The following BCAS1 variants were observed in gnomAD, a reference collection of about 807,000 sequenced individuals.
The protein encoded by BCAS1 is brain enriched myelin associated protein 1, also known as breast carcinoma-amplified sequence 1.
Under a neutral mutation model 65.4 loss-of-function variants are expected in BCAS1, and 46 were observed. The ratio of observed to expected loss-of-function variants is 0.70; its 90% CI spans 0.55 to 0.90. BCAS1 has a LOEUF of 0.90. BCAS1 is among the 40% of genes least tolerant of loss of function. The probability of loss-of-function intolerance (pLI) is 0.00; values close to 1 mark genes in which losing one functional copy is unlikely to be tolerated. For missense variants in BCAS1, 793 were observed against 771.2 expected, an observed-to-expected ratio of 1.03 and a Z score of -0.33; for synonymous variants, 298 against 293.5, an observed-to-expected ratio of 1.02 and a Z score of -0.16.
chr20:53,946,252 C>T (rs2089311154), intron 12 of BCAS1, among the ~76,000 whole-genome samples: 1 of 151,924 alleles, frequency 6.6e-6, no homozygotes, highest in Non-Finnish European at 1.5e-5. Flanking sequence ...CTTTCTTGTG[C>T]CTTTTGTGGT....
At chr20:54,029,123 C>T in intron 3 of BCAS1, 151 bp from the exon 4 acceptor site, 1 of 1,434,906 alleles carries the variant, frequency 7.0e-7, no homozygotes, top group Non-Finnish European at 9.1e-7. Context: ...AGTTAGCTCT[C>T]TACATCTCCT....
intron 4 of BCAS1, among the ~76,000 whole-genome samples, chr20:54,009,787 A>G (rs1387503023): frequency 6.6e-6 from 1 of 152,188 alleles, no homozygotes; most frequent in African/African-American, 2.4e-5. Context: ...AAAATACCCT[A>G]CTGATCAATA....
At chr20:53,992,795 G>C (rs2090797067) in intron 6 of BCAS1, 149 bp from the exon 7 acceptor site, 1 of 676,432 alleles carries the variant, frequency 1.5e-6, no homozygotes, top group Admixed American at 3.7e-5. Flanking sequence ...CCCTGTAAAT[G>C]TTTATCTTTT....
chr20:54,037,752 T>C (rs369075016), intron 3 of BCAS1, among the ~76,000 whole-genome samples: 3 of 151,348 alleles, frequency 2.0e-5, no homozygotes, highest in African/African-American at 7.2e-5. Flanking sequence ...GATTTAGTAT[T>C]TGAACCCACA....
chr20:54,029,269 A>G (rs1276811519), intron 3 of BCAS1: 1 of 977,402 alleles, frequency 1.0e-6, no homozygotes, highest in Admixed American at 6.2e-5. Context: ...CTGTGTAAGA[A>G]CTCCGTGAGC....
At chr20:54,069,027 C>A (rs1373123474) in intron 1 of BCAS1, among the ~76,000 whole-genome samples, 1 of 152,136 alleles carries the variant, frequency 6.6e-6, no homozygotes, top group Non-Finnish European at 1.5e-5. Flanking sequence ...TTCCAGAACT[C>A]TTTGGAAAAA....
intron 3 of BCAS1, among the ~76,000 whole-genome samples, chr20:54,040,646 G>A (rs552475205): frequency 2.6e-5 from 4 of 151,282 alleles, no homozygotes; most frequent in East Asian, 3.9e-4. Context: ...AGCATGATAC[G>A]TCTTCACACC....
At chr20:53,980,440 A>C (rs1309835724) in intron 8 of BCAS1, among the ~76,000 whole-genome samples, 1 of 152,208 alleles carries the variant, frequency 6.6e-6, no homozygotes, top group Non-Finnish European at 1.5e-5. Flanking sequence ...ACAGAGCTGA[A>C]AAAAATAGTA....
At chr20:53,995,119 T>TG in intron 5 of BCAS1, 63 bp from the exon 6 acceptor site, 1 of 1,420,162 alleles carries the variant, frequency 7.0e-7, no homozygotes, top group Non-Finnish European at 9.9e-7. Context: ...TTTTATTTCA[T>TG]AGATAAATAA....
At chr20:54,053,040 A>G (rs1359964362) in intron 3 of BCAS1, among the ~76,000 whole-genome samples, 1 of 152,224 alleles carries the variant, frequency 6.6e-6, no homozygotes, top group Non-Finnish European at 1.5e-5. Context: ...CAAGCACATA[A>G]GCCTCTCACC....
chr20:53,949,702 G>A (rs1050537848), intron 12 of BCAS1, among the ~76,000 whole-genome samples: 1 of 152,164 alleles, frequency 6.6e-6, no homozygotes, highest in African/African-American at 2.4e-5. Flanking sequence ...GGGGTCTAGG[G>A]GGCCTGAGCT....
At chr20:53,964,910 T>A (rs1215061546) in intron 10 of BCAS1, among the ~76,000 whole-genome samples, 1 of 152,060 alleles carries the variant, frequency 6.6e-6, no homozygotes, top group Non-Finnish European at 1.5e-5. Context: ...TTACTGTTTT[T>A]TTTTTCTGTA....
At chr20:54,066,878 G>A (rs138571142) in intron 1 of BCAS1, among the ~76,000 whole-genome samples, 2,289 of 152,240 alleles carry the variant, frequency 0.015, 28 homozygotes, top group Non-Finnish European at 0.024. Context: ...CTTAACCCTC[G>A]CAAACTCAAG....
chr20:53,987,332 T>G (rs914030805), intron 7 of BCAS1, among the ~76,000 whole-genome samples: 1 of 152,238 alleles, frequency 6.6e-6, no homozygotes, highest in Non-Finnish European at 1.5e-5. Context: ...GAATTTACAA[T>G]AACCTTTGCA....
intron 5 of BCAS1, 41 bp downstream of exon 5, chr20:53,995,851 G>C: frequency 6.5e-7 from 1 of 1,535,824 alleles, no homozygotes. Flanking sequence ...CAAAACTTTT[G>C]AGCAATAGAG....
At chr20:53,972,976 C>T (rs2090221898) in intron 9 of BCAS1, among the ~76,000 whole-genome samples, 1 of 152,146 alleles carries the variant, frequency 6.6e-6, no homozygotes, top group African/African-American at 2.4e-5. Context: ...GCCTGTAATC[C>T]CAGCACTTTG....
Position 54,031,406 on chromosome 20 carries a change from C to T in BCAS1, c.143-2434G>A, listed in dbSNP as rs191729112. Reference sequence around the variant, plus strand: ...AAGAACTTAGAGTTCTTCGGTGATACGTTCCATGCAACTGAAGCTCTGCTC... The same window carrying T: ...AAGAACTTAGAGTTCTTCGGTGATATGTTCCATGCAACTGAAGCTCTGCTC... On this transcript the variant is annotated intron_variant, in intron 3 of 12. Transcript: ENST00000688948. Among the ~76,000 whole-genome samples the T allele has an allele frequency of 9.2e-5, 14 of 151,400 alleles. 2 individuals are homozygous for T. The highest frequency in any genetic ancestry group is 2.1e-4 in the South Asian group (1 of 4,784).
intron 4 of BCAS1, among the ~76,000 whole-genome samples, chr20:53,999,478 C>T (rs1156953281): frequency 6.6e-6 from 1 of 152,202 alleles, no homozygotes; most frequent in African/African-American, 2.4e-5. Context: ...GCATTCCTCA[C>T]TCCTTGTGAC....
At chr20:54,035,891 A>T (rs290460) in intron 3 of BCAS1, among the ~76,000 whole-genome samples, 9,685 of 151,294 alleles carry the variant, frequency 0.064, 801 homozygotes, top group East Asian at 0.31. Context: ...GAACGAGATC[A>T]TGTCCTTTGC....
Sources: allele counts gnomAD v4.1 joint callset (sites outside exome capture counted in the v4.1 genomes callset), GRCh38; gene constraint gnomAD v4.1.1; transcripts MANE v1.5; gene names NCBI Gene and HGNC (gene_info 2026-07-23, HGNC 2026-07-21).